The following NRCAM variants were observed in gnomAD, a reference collection of about 807,000 sequenced individuals.
NRCAM encodes the protein NgCAM-related cell adhesion molecule.
A neutral mutation model predicts 156.5 loss-of-function variants in NRCAM; 83 were observed. The observed-to-expected ratio is 0.53, with a 90% confidence interval of 0.44 to 0.64. The LOEUF (loss-of-function observed/expected upper bound fraction) is 0.64. NRCAM is among the 30% of genes least tolerant of loss of function. The pLI is 0.00. For missense variants in NRCAM, 1,417 were observed against 1,597.3 expected (o/e 0.89, Z 1.92); for synonymous variants, 538 against 563.9 (o/e 0.95, Z 0.65).
intron 2 of NRCAM, among the ~76,000 whole-genome samples, chr7:108,352,555 G>T (rs549471391): frequency 3.9e-5 from 6 of 152,236 alleles, no homozygotes; most frequent in African/African-American, 1.4e-4. Flanking sequence ...GGAGGAAAAA[G>T]ATTTTTTCAA....
intron 3 of NRCAM, among the ~76,000 whole-genome samples, chr7:108,247,693 G>C (rs1222611776): frequency 2.0e-5 from 3 of 151,462 alleles, no homozygotes; most frequent in Non-Finnish European, 4.4e-5. Context: ...GAATAGCAAA[G>C]ATTAAGGTAG....
rs559944537 is a variant in NRCAM, at chr7:108,453,407, CATT to C, written c.-332+2833_-332+2835del. ...ACTTACACCTAGCGATTATTGCCAT[CATT>C]GTTGTATTGGCCTCACAGGAAGTAC... is the stretch of plus-strand genomic sequence containing the variant. On this transcript the variant is annotated intron_variant, in intron 1 of 32. Transcript: ENST00000379028. Among the ~76,000 whole-genome samples, 44 of 152,288 alleles carry C rather than the reference CATT, an allele frequency of 2.9e-4. No homozygotes were observed. In the East Asian group the frequency reaches 7.9e-3, roughly 27 times the overall value.
chr7:108,417,352 G>A (rs1192376877), intron 1 of NRCAM, among the ~76,000 whole-genome samples: 1 of 152,122 alleles, frequency 6.6e-6, no homozygotes, highest in South Asian at 2.1e-4. Context: ...TTGTAGTTGC[G>A]TCATCCCATG....
At position 108,342,204 on chromosome 7, in the gene NRCAM, C is replaced by A. The variant is rs555724072; in HGVS notation, c.-173-29473G>T. The stretch of plus-strand genomic sequence containing the variant: ...TTACTTTCAGCTGCCCGTTCAGAAA[C>A]CTTGTGCCATCAAGCCACCCAAGCA... On this transcript the variant is annotated intron_variant, in intron 2 of 32. Coordinates refer to ENST00000379028, the MANE Select transcript of NRCAM (RefSeq NM_001037132.4). 5.9e-5 allele frequency among the ~76,000 whole-genome samples: 9 copies of A among 152,332 alleles called. No homozygotes were observed. In the South Asian group the frequency reaches 1.9e-3, roughly 32 times the overall value.
chr7:108,340,965 A>T (rs572387671), intron 2 of NRCAM, among the ~76,000 whole-genome samples: 9 of 152,316 alleles, frequency 5.9e-5, no homozygotes, highest in South Asian at 4.1e-4. Flanking sequence ...AACGGGATTT[A>T]AAAAAGGCTA....
intron 2 of NRCAM, among the ~76,000 whole-genome samples, chr7:108,370,884 TTAATAA>T (rs10563073): frequency 1.3e-5 from 2 of 151,778 alleles, no homozygotes; most frequent in African/African-American, 4.8e-5. Context: ...TGCCGTCATA[TTAATAA>T]TATTTCTCCA....
chr7:108,385,821 T>A (rs150666113), intron 2 of NRCAM, among the ~76,000 whole-genome samples: 41 of 151,968 alleles, frequency 2.7e-4, no homozygotes, highest in African/African-American at 9.7e-4. Flanking sequence ...AATAAGTAAG[T>A]ATATCTTTAC....
intron 3 of NRCAM, among the ~76,000 whole-genome samples, chr7:108,263,692 CCA>C (rs554699676): frequency 4.2e-4 from 64 of 152,346 alleles, no homozygotes; most frequent in African/African-American, 1.4e-3. Context: ...CTGACCCACT[CCA>C]CAGAGCCTGG....
intron 22 of NRCAM, 113 bp from the exon 23 acceptor site, chr7:108,183,033 A>G (rs75432799): frequency 3.6e-6 from 3 of 844,460 alleles, no homozygotes. Context: ...TGAAATACTA[A>G]AACACAAGCT....
intron 1 of NRCAM, among the ~76,000 whole-genome samples, chr7:108,405,147 G>A (rs1439141395): frequency 6.6e-6 from 1 of 152,212 alleles, no homozygotes; most frequent in Non-Finnish European, 1.5e-5. Flanking sequence ...CACTGGTTGA[G>A]TAAAGCAGAG....
chr7:108,152,097 AT>A lies in NRCAM; in HGVS notation c.3678-1951del, dbSNP rs577637116. Among the ~76,000 whole-genome samples, 393 of 152,300 alleles carry A rather than the reference AT, an allele frequency of 2.6e-3. 2 individuals are homozygous for A. The highest frequency in any genetic ancestry group is 3.1e-3 in the Non-Finnish European group (211 of 68,018). On this transcript the variant is annotated intron_variant, in intron 32 of 32. Transcript: ENST00000379028. ...CTGGCTTTATTTCTAGTGGAAGAAA[AT>A]ACAATTAACAATCAACATAATAAAA...
At chr7:108,205,063 T>A (rs543395534) in intron 13 of NRCAM, among the ~76,000 whole-genome samples, 2 of 152,326 alleles carry the variant, frequency 1.3e-5, no homozygotes, top group African/African-American at 4.8e-5. Flanking sequence ...ATGGTCTGAA[T>A]ATTTGTGTCC....
intron 3 of NRCAM, among the ~76,000 whole-genome samples, chr7:108,285,997 C>T (rs1473068640): frequency 2.6e-5 from 4 of 152,162 alleles, no homozygotes; most frequent in Non-Finnish European, 4.4e-5. Flanking sequence ...GGGTCAAAAA[C>T]GTATGTATGG....
chr7:108,403,315 G>A (rs960433578), intron 1 of NRCAM, among the ~76,000 whole-genome samples: 1 of 152,012 alleles, frequency 6.6e-6, no homozygotes, highest in Non-Finnish European at 1.5e-5. Flanking sequence ...TTGTCCTTAC[G>A]AAATATTCAT....
intron 2 of NRCAM, among the ~76,000 whole-genome samples, chr7:108,392,623 G>A (rs1211725994): frequency 6.6e-6 from 1 of 152,198 alleles, no homozygotes; most frequent in African/African-American, 2.4e-5. Context: ...AAGGAGCTGT[G>A]TTCCTTTGGA....
intron 3 of NRCAM, among the ~76,000 whole-genome samples, chr7:108,269,496 T>G (rs2154032753): frequency 6.6e-6 from 1 of 152,172 alleles, no homozygotes; most frequent in Admixed American, 6.5e-5. Context: ...TTCATCCAAG[T>G]CACGCAGAAG....
chr7:108,362,818 C>A (rs1189820612), intron 2 of NRCAM, among the ~76,000 whole-genome samples: 1 of 152,060 alleles, frequency 6.6e-6, no homozygotes, highest in East Asian at 1.9e-4. Context: ...TCATGCATTT[C>A]CGTATTTCCT....
chr7:108,210,723 T>C (rs2083743154), intron 11 of NRCAM, among the ~76,000 whole-genome samples: 1 of 152,204 alleles, frequency 6.6e-6, no homozygotes, highest in African/African-American at 2.4e-5. Context: ...CTAATGACTT[T>C]AGAAAGTTTT....
chr7:108,377,078 C>T (rs765067086), intron 2 of NRCAM, among the ~76,000 whole-genome samples: 12 of 152,074 alleles, frequency 7.9e-5, no homozygotes, highest in African/African-American at 1.4e-4. Context: ...GCAGGAGGAT[C>T]AATTGAGCCT....
Sources: gnomAD v4.1 joint callset for allele counts (sites outside exome capture counted in the v4.1 genomes callset) on GRCh38, gnomAD v4.1.1 for gene constraint, MANE v1.5 for transcripts, NCBI Gene and HGNC (gene_info 2026-07-23, HGNC 2026-07-21) for gene names.